The following TNNI3K variants were observed in gnomAD, a reference collection of about 807,000 sequenced individuals.
TNNI3K encodes serine/threonine-protein kinase TNNI3K.
TNNI3K carries 140 observed loss-of-function variants against 114.5 expected under a neutral mutation model. The ratio of observed to expected loss-of-function variants is 1.22; its 90% CI spans 1.07 to 1.41. The LOEUF is 1.41. Ranked by LOEUF, TNNI3K falls within the 40% of genes most tolerant of loss-of-function variation. The probability of loss-of-function intolerance (pLI) is 0.00; values close to 1 mark genes in which losing one functional copy is unlikely to be tolerated. For synonymous variants in TNNI3K, 347 were observed against 347.5 expected, an observed-to-expected ratio of 1.00 and a Z score of 0.02; for missense variants, 1,125 against 1,007.6, an observed-to-expected ratio of 1.12 and a Z score of -1.58.
chr1:74,409,287 T>TA (rs1664766570), intron 17 of TNNI3K, among the ~76,000 whole-genome samples: 1 of 152,142 alleles, frequency 6.6e-6, no homozygotes, highest in Non-Finnish European at 1.5e-5. Flanking sequence ...TCCCCGCTGT[T>TA]ATGACAAAGA....
chr1:74,396,273 A>G (rs1457481951), intron 17 of TNNI3K, among the ~76,000 whole-genome samples: 1 of 152,054 alleles, frequency 6.6e-6, no homozygotes, highest in Non-Finnish European at 1.5e-5. Context: ...TTGAGGAAAG[A>G]ATTAGAAAAA....
intron 17 of TNNI3K, among the ~76,000 whole-genome samples, chr1:74,402,494 C>T (rs550991532): frequency 6.6e-6 from 1 of 152,174 alleles, no homozygotes; most frequent in African/African-American, 2.4e-5. Context: ...AATCAAAACT[C>T]GAATGTGTAA....
chr1:74,441,316 T>G (rs1403394598), intron 20 of TNNI3K, among the ~76,000 whole-genome samples: 1 of 152,142 alleles, frequency 6.6e-6, no homozygotes, highest in African/African-American at 2.4e-5. Flanking sequence ...TATATACCAA[T>G]GTCATATAAA....
rs201606051 is a variant in TNNI3K at position 74,354,147 on chromosome 1, G to C, written c.1177+18G>C. ...TGAAAAAGGTATATTTTTAATCATCGTGTCTCTATAGTGATACATTGAACT... is the reference window on the plus strand; with the variant it reads ...TGAAAAAGGTATATTTTTAATCATCCTGTCTCTATAGTGATACATTGAACT... On this transcript the variant is annotated intron_variant, in intron 11 of 24. Coordinates refer to ENST00000326637, the MANE Select transcript of TNNI3K (RefSeq NM_015978.3). The C allele has an allele frequency of 3.7e-6, 6 of 1,613,656 alleles. No individual in the cohort carries two copies. The highest frequency in any genetic ancestry group is 5.1e-6 in the Non-Finnish European group (6 of 1,179,780).
rs1426800080 is a variant in TNNI3K at position 74,369,018 on chromosome 1, G to T, written c.1322-4G>T. 13 of 1,593,538 alleles carry T rather than the reference G, an allele frequency of 8.2e-6. No individual in the cohort carries two copies. In the Admixed American group the frequency reaches 2.0e-4, roughly 24 times the overall value. ...AAAAATAAAATGACAATTTCTCTTT[G>T]CAGAGAAGGCAGATATTCTCCTCCT... On this transcript the variant is annotated splice_polypyrimidine_tract_variant and splice_region_variant and intron_variant, in intron 13 of 24. Transcript: ENST00000326637.
At chr1:74,319,145 T>A (rs1659474583) in intron 5 of TNNI3K, among the ~76,000 whole-genome samples, 1 of 152,204 alleles carries the variant, frequency 6.6e-6, no homozygotes, top group African/African-American at 2.4e-5. Context: ...TGTAGCCATG[T>A]CAGTGAGTGT....
intron 17 of TNNI3K, among the ~76,000 whole-genome samples, chr1:74,380,325 CCA>C: frequency 6.6e-6 from 1 of 152,250 alleles, no homozygotes; most frequent in East Asian, 1.9e-4. Flanking sequence ...TAGTGCTACT[CCA>C]CACTGGAACC....
intron 13 of TNNI3K, 64 bp from the exon 14 acceptor site, chr1:74,368,958 A>C: frequency 7.5e-7 from 1 of 1,333,792 alleles, no homozygotes; most frequent in Non-Finnish European, 1.0e-6. Flanking sequence ...ATATATGCAC[A>C]TGTATACACA....
rs76571253 is a variant in TNNI3K, at chr1:74,375,687, C to T, written c.1772+5295C>T. 570 of 441,948 alleles carry T rather than the reference C, an allele frequency of 1.3e-3. 8 individuals carry two copies. In the East Asian group the frequency reaches 0.037, roughly 29 times the overall value. The allele number at this position is 441,948 out of a possible 1,614,324, so 27.4% of individuals were successfully genotyped here. On this transcript the variant is annotated intron_variant, in intron 17 of 24. Coordinates refer to ENST00000326637, the MANE Select transcript of TNNI3K (RefSeq NM_015978.3). ...ACTTTGACACCCTATGATATCATCT[C>T]CAACCCAACCAATCAGCAGTCCCCA...
chr1:74,523,371 G>C (rs568811475), intron 23 of TNNI3K, among the ~76,000 whole-genome samples: 88 of 152,194 alleles, frequency 5.8e-4, no homozygotes, highest in African/African-American at 1.8e-3. Context: ...ATATCTAAGA[G>C]AACAAGCAAT....
chr1:74,389,998 A>C (rs1365275404), intron 17 of TNNI3K, among the ~76,000 whole-genome samples: 3 of 152,180 alleles, frequency 2.0e-5, no homozygotes, highest in Non-Finnish European at 4.4e-5. Context: ...AATCTAGGAC[A>C]CTGGGAGAAG....
chr1:74,515,447 C>T (rs1358739282), intron 23 of TNNI3K, among the ~76,000 whole-genome samples: 2 of 152,142 alleles, frequency 1.3e-5, no homozygotes, highest in Middle Eastern at 3.2e-3. Flanking sequence ...GAAATTCTAA[C>T]GTTTTATCAT....
chr1:74,402,088 GC>G (rs1161396741), intron 17 of TNNI3K: 7 of 195,302 alleles, frequency 3.6e-5, no homozygotes, highest in Non-Finnish European at 6.3e-5. Flanking sequence ...TTTTATAATA[GC>G]TAAATTTTGT....
chr1:74,278,411 C>T (rs1656809227), intron 5 of TNNI3K, among the ~76,000 whole-genome samples: 2 of 152,158 alleles, frequency 1.3e-5, no homozygotes, highest in South Asian at 4.1e-4. Flanking sequence ...GCTCACCTGA[C>T]CAGAATTTAA....
intron 4 of TNNI3K, among the ~76,000 whole-genome samples, chr1:74,257,495 C>G (rs1655389044): frequency 6.6e-6 from 1 of 151,882 alleles, no homozygotes; most frequent in Admixed American, 6.6e-5. Flanking sequence ...AAATCTTTAT[C>G]ATGTCATCTT....
chr1:74,235,946 A>G (rs1372182872), intron 1 of TNNI3K, among the ~76,000 whole-genome samples, 156 bp from the exon 2 acceptor site: 3 of 151,668 alleles, frequency 2.0e-5, no homozygotes, highest in Non-Finnish European at 4.4e-5. Flanking sequence ...CATTTTAAAT[A>G]TAAACATCTG....
intron 20 of TNNI3K, among the ~76,000 whole-genome samples, chr1:74,447,182 G>A (rs1346721439): frequency 6.6e-6 from 1 of 151,046 alleles, no homozygotes; most frequent in Non-Finnish European, 1.5e-5. Context: ...AGCATGGAAT[G>A]TTCTTCCATT....
intron 23 of TNNI3K, among the ~76,000 whole-genome samples, chr1:74,539,645 G>C (rs542549148): frequency 2.6e-5 from 4 of 152,156 alleles, no homozygotes; most frequent in Non-Finnish European, 5.9e-5. Context: ...TAAAAGATGA[G>C]GATTTGAATC....
chr1:74,416,343 T>C, intron 17 of TNNI3K: 1 of 985,202 alleles, frequency 1.0e-6, no homozygotes, highest in Non-Finnish European at 1.2e-6. Context: ...CGGGCTACAC[T>C]AATGATGGAG....
Sources: allele counts gnomAD v4.1 joint callset (sites outside exome capture counted in the v4.1 genomes callset), GRCh38; gene constraint gnomAD v4.1.1; transcripts MANE v1.5; gene names NCBI Gene and HGNC (gene_info 2026-07-23, HGNC 2026-07-21).